Variants in TXNDC12 observed in about 807,000 individuals in gnomAD.
TXNDC12 encodes the protein thioredoxin domain containing 12, also known as thioredoxin domain-containing protein 12.
In TXNDC12, 22 loss-of-function variants were observed where a neutral mutation model predicts 24.2. The ratio of observed to expected loss-of-function variants is 0.91; its 90% CI spans 0.65 to 1.30. The LOEUF (loss-of-function observed/expected upper bound fraction) is 1.30. Ranked by LOEUF, TXNDC12 falls within the 50% of genes most tolerant of loss-of-function variation. The probability of loss-of-function intolerance (pLI) is 0.00; values close to 1 mark genes in which losing one functional copy is unlikely to be tolerated. For synonymous variants in TXNDC12, 58 were observed against 73.4 expected, an observed-to-expected ratio of 0.79 and a Z score of 1.07; for missense variants, 184 against 205.8, an observed-to-expected ratio of 0.89 and a Z score of 0.65.
intron 6 of TXNDC12, among the ~76,000 whole-genome samples, chr1:52,022,768 G>A (rs1685617917): frequency 1.3e-5 from 2 of 151,364 alleles, no homozygotes; most frequent in Admixed American, 1.3e-4. Context: ...AGCCTCCCGA[G>A]TAGCTGGGAC....
rs151058790 is a variant in TXNDC12 at position 52,052,773 on chromosome 1, C to T, written c.97+2227G>A. 1.4e-4 allele frequency: 22 copies of T among 152,290 alleles called. No homozygotes were observed. In the East Asian group the frequency reaches 2.9e-3, roughly 20 times the overall value. The allele number at this position is 152,290 out of a possible 1,614,324, so 9.4% of individuals were successfully genotyped here. On this transcript the variant is annotated intron_variant, in intron 1 of 6. Coordinates refer to ENST00000371626, the MANE Select transcript of TXNDC12 (RefSeq NM_015913.4). ...TAATATCTAACAAGGAATAAAAATA[C>T]AAAATACCTGATTCCAAGGTATTAC...
At chr1:52,029,427 A>G (rs1685720518) in intron 2 of TXNDC12, among the ~76,000 whole-genome samples, 1 of 152,192 alleles carries the variant, frequency 6.6e-6, no homozygotes, top group Non-Finnish European at 1.5e-5. Context: ...GAGCAATGCA[A>G]TCCACCCGAA....
intron 2 of TXNDC12, chr1:52,032,525 T>C: frequency 1.4e-6 from 2 of 1,385,102 alleles, no homozygotes; most frequent in Non-Finnish European, 9.3e-7. Flanking sequence ...GAACTTATGC[T>C]GTAAACCCAA....
intron 5 of TXNDC12, 79 bp downstream of exon 5, chr1:52,024,431 A>G: frequency 9.0e-7 from 1 of 1,113,266 alleles, no homozygotes; most frequent in South Asian, 1.3e-5. Flanking sequence ...GTATAGTTTC[A>G]CTAGGTGAAG....
chr1:52,055,496 A>C (rs1297813943), upstream of TXNDC12: 1 of 211,184 alleles, frequency 4.7e-6, no homozygotes, highest in Admixed American at 5.4e-5. Flanking sequence ...TGCACTTCCT[A>C]GTCAAAAGCA....
At chr1:52,041,636 CA>C in intron 1 of TXNDC12, 39 bp from the exon 2 acceptor site, 1 of 1,385,826 alleles carries the variant, frequency 7.2e-7, no homozygotes, top group East Asian at 2.3e-5. Context: ...ACATAATGAA[CA>C]AAGGGCACAG....
intron 6 of TXNDC12, among the ~76,000 whole-genome samples, chr1:52,022,758 A>G (rs1685617673): frequency 6.8e-6 from 1 of 147,546 alleles, no homozygotes; most frequent in Non-Finnish European, 1.5e-5. Context: ...CTCCTGCCTC[A>G]GCCTCCCGAG....
chr1:52,042,815 T>C (rs1369192217), intron 1 of TXNDC12, among the ~76,000 whole-genome samples: 2 of 152,050 alleles, frequency 1.3e-5, no homozygotes, highest in East Asian at 3.9e-4. Flanking sequence ...AAAGACAGGG[T>C]TTCTCCATAT....
At chr1:52,027,618 A>G (rs994730537) in intron 3 of TXNDC12, among the ~76,000 whole-genome samples, 4 of 151,698 alleles carry the variant, frequency 2.6e-5, no homozygotes, top group Non-Finnish European at 4.4e-5. Context: ...AATAGGGGGG[A>G]AAAGCATTAT....
chr1:52,025,361 G>C (rs1685657879), intron 4 of TXNDC12, among the ~76,000 whole-genome samples: 1 of 152,056 alleles, frequency 6.6e-6, no homozygotes, highest in Non-Finnish European at 1.5e-5. Flanking sequence ...GGGACTACAG[G>C]TGCCCGCCAC....
At position 52,021,023 on chromosome 1, in the gene TXNDC12, A is replaced by C. The variant is rs1287974061; in HGVS notation, c.440-11T>G. The C allele has an allele frequency of 2.5e-6, 4 of 1,604,516 alleles. No homozygotes were observed. The highest frequency in any genetic ancestry group is 2.7e-5 in the African/African-American group (2 of 74,734). On this transcript the variant is annotated splice_polypyrimidine_tract_variant and intron_variant, in intron 6 of 6. Coordinates refer to ENST00000371626, the MANE Select transcript of TXNDC12 (RefSeq NM_015913.4). ...TCATCCCCTGAACAACTGTGAAATA[A>C]AGATTGGAGGAAAAAAGTATGAAGT...
rs1685629020 is a variant in TXNDC12, at chr1:52,023,408, T to A, written c.439+83A>T. On this transcript the variant is annotated intron_variant, in intron 6 of 6. Transcript: ENST00000371626. ...GAGATGCTCAGCTAACATGCTGAAT[T>A]TACTTTCCTATCACAGACCTTGCAT... 3 of 1,130,556 alleles carry A rather than the reference T, an allele frequency of 2.7e-6. No homozygotes were observed. In the Admixed American group the frequency reaches 5.3e-5, roughly 20 times the overall value. 70.0% of individuals were successfully genotyped at this position (1,130,556 alleles called of 1,614,324 possible).
chr1:52,044,088 A>G (rs1686043659), intron 1 of TXNDC12: 1 of 152,240 alleles, frequency 6.6e-6, no homozygotes, highest in African/African-American at 2.4e-5. Flanking sequence ...GTCAATATCT[A>G]AACTCAGGCA....
chr1:52,032,088 TGAAA>T, intron 2 of TXNDC12: 1 of 918,894 alleles, frequency 1.1e-6, no homozygotes, highest in Non-Finnish European at 1.3e-6. Flanking sequence ...GAACATTAAG[TGAAA>T]GAGATTCCAG....
chr1:52,032,992 T>C (rs1685798245), intron 2 of TXNDC12: 2 of 1,562,686 alleles, frequency 1.3e-6, no homozygotes, highest in Non-Finnish European at 1.7e-6. Flanking sequence ...CGTAGACTGA[T>C]GGGGTGGTGG....
chr1:52,033,681 G>A (rs1251611821), intron 2 of TXNDC12: 2 of 1,610,946 alleles, frequency 1.2e-6, no homozygotes, highest in Non-Finnish European at 8.5e-7. Context: ...CGCGGCCCTC[G>A]GCAGCCAGCG....
In TXNDC12 at chr1:52,020,359, T is replaced by C; in HGVS notation, c.*574A>G. ...GCGTGCAAACAGGGAAGCTCAAGCA[T>C]GAGAAGAGGAAAGAGGCTGTAGAAA... On this transcript the variant is annotated 3_prime_UTR_variant, in exon 7 of 7. Coordinates refer to ENST00000371626, the MANE Select transcript of TXNDC12 (RefSeq NM_015913.4). 2.6e-6 allele frequency: 1 copy of C among 380,862 alleles called. No homozygotes were observed. The highest frequency in any genetic ancestry group is 2.9e-5 in the South Asian group (1 of 34,680). 23.6% of individuals were successfully genotyped at this position (380,862 alleles called of 1,614,324 possible).
intron 2 of TXNDC12, among the ~76,000 whole-genome samples, chr1:52,038,616 CA>C (rs1387821870): frequency 6.6e-6 from 1 of 152,132 alleles, no homozygotes; most frequent in Non-Finnish European, 1.5e-5. Context: ...CCTGTCTTGA[CA>C]TTTTTTAAGC....
chr1:52,051,385 AT>A (rs890777225), intron 1 of TXNDC12, among the ~76,000 whole-genome samples: 23 of 151,344 alleles, frequency 1.5e-4, no homozygotes, highest in African/African-American at 5.6e-4. Context: ...TTATTTATTT[AT>A]TTTTTTTGAG....
Sources: gnomAD v4.1 joint callset for allele counts (sites outside exome capture counted in the v4.1 genomes callset) on GRCh38, gnomAD v4.1.1 for gene constraint, MANE v1.5 for transcripts, NCBI Gene and HGNC (gene_info 2026-07-23, HGNC 2026-07-21) for gene names.